HELZ: variants seen among roughly 807,000 people sequenced by gnomAD.
HELZ encodes ATP-dependent RNA helicase with zinc finger domain.
HELZ carries 23 observed loss-of-function variants against 218.2 expected under a neutral mutation model. That is an observed-to-expected ratio of 0.11 (90% CI 0.08 to 0.15). HELZ has a LOEUF of 0.15. Ranked by LOEUF, HELZ falls within the 10% of genes least tolerant of loss-of-function variation. HELZ has a pLI of 1.00. For missense variants in HELZ, 1,813 were observed against 2,353.7 expected (o/e 0.77, Z 4.75); for synonymous variants, 814 against 829.4 (o/e 0.98, Z 0.32).
intron 7 of HELZ, among the ~76,000 whole-genome samples, chr17:67,197,399 C>T (rs2040058687): frequency 6.6e-6 from 1 of 152,202 alleles, no homozygotes; most frequent in Non-Finnish European, 1.5e-5. Context: ...TGAAAACAGA[C>T]TAATATACTT....
intron 24 of HELZ, among the ~76,000 whole-genome samples, chr17:67,127,701 G>T (rs1181483815): frequency 2.0e-5 from 3 of 152,026 alleles, no homozygotes; most frequent in Non-Finnish European, 4.4e-5. Flanking sequence ...ACAAAAGTTA[G>T]CCAGGCGTGG....
intron 8 of HELZ, 23 bp from the exon 9 acceptor site, chr17:67,194,065 T>A: frequency 1.9e-6 from 3 of 1,544,594 alleles, no homozygotes; most frequent in Non-Finnish European, 2.7e-6. Context: ...TAGGATATAG[T>A]CTTATCATTT....
intron 31 of HELZ, among the ~76,000 whole-genome samples, chr17:67,101,408 A>T (rs2036926708): frequency 6.6e-6 from 1 of 152,172 alleles, no homozygotes; most frequent in South Asian, 2.1e-4. Context: ...GTAATAAGGG[A>T]GACTTTAAAC....
At chr17:67,151,349 C>A (rs2038676157) in intron 17 of HELZ, 125 bp from the exon 18 acceptor site, 1 of 730,670 alleles carries the variant, frequency 1.4e-6, no homozygotes, top group Non-Finnish European at 2.2e-6. Flanking sequence ...AATCTGGTAA[C>A]CGTTAGCACT....
intron 2 of HELZ, 21 bp downstream of exon 2, chr17:67,243,763 C>A (rs1354206315): frequency 6.5e-6 from 1 of 152,740 alleles, no homozygotes; most frequent in Non-Finnish European, 1.5e-5. Flanking sequence ...AAAAGGAAAT[C>A]ATTTTTAACT....
intron 3 of HELZ, among the ~76,000 whole-genome samples, chr17:67,234,268 A>G (rs2041118666): frequency 6.8e-6 from 1 of 147,044 alleles, no homozygotes; most frequent in South Asian, 2.2e-4. Context: ...GGTTACAAAG[A>G]GCCGAGATGG....
intron 22 of HELZ, 52 bp from the exon 23 acceptor site, chr17:67,136,250 T>C: frequency 8.5e-7 from 1 of 1,176,268 alleles, no homozygotes; most frequent in Middle Eastern, 2.0e-4. Context: ...TCTGAACCAC[T>C]GATATAATAA....
rs1198538325 is a variant in HELZ, at chr17:67,077,993, CAT to C, written c.*257_*258del. 1.1e-4 allele frequency: 25 copies of C among 220,964 alleles called. No homozygotes were observed. The highest frequency in any genetic ancestry group is 3.7e-4 in the South Asian group (4 of 10,914). The allele number at this position is 220,964 out of a possible 1,614,324, so 13.7% of individuals were successfully genotyped here. ...CTCTTGGCTGCTAGCTTGATGCAAA[CAT>C]ATGTAACAATACACAAATTTAAAAA... On this transcript the variant is annotated 3_prime_UTR_variant, in exon 33 of 33. Coordinates refer to ENST00000358691, the MANE Select transcript of HELZ (RefSeq NM_014877.4).
chr17:67,221,777 GTC>G (rs1226523088), intron 3 of HELZ, among the ~76,000 whole-genome samples: 1 of 151,510 alleles, frequency 6.6e-6, no homozygotes, highest in East Asian at 1.9e-4. Context: ...CTATTATAAT[GTC>G]TCTAAAATTC....
chr17:67,087,121 T>C, intron 31 of HELZ, 40 bp from the exon 32 acceptor site: 2 of 1,600,780 alleles, frequency 1.2e-6, no homozygotes, highest in Non-Finnish European at 1.7e-6. Flanking sequence ...TCAGTGCACC[T>C]TGTGCCATAG....
chr17:67,083,442 C>A (rs959697675), intron 32 of HELZ, among the ~76,000 whole-genome samples: 1 of 152,036 alleles, frequency 6.6e-6, no homozygotes, highest in Non-Finnish European at 1.5e-5. Flanking sequence ...GAGTTCTAGA[C>A]CAGCCTGGCC....
At chr17:67,144,953 T>C (rs941643818) in intron 21 of HELZ, among the ~76,000 whole-genome samples, 1 of 152,208 alleles carries the variant, frequency 6.6e-6, no homozygotes, top group African/African-American at 2.4e-5. Context: ...GATTTTTTTG[T>C]ACTGACTTCT....
At chr17:67,125,276 T>C (rs1320232166) in intron 24 of HELZ, among the ~76,000 whole-genome samples, 2 of 104,082 alleles carry the variant, frequency 1.9e-5, no homozygotes, top group African/African-American at 7.9e-5. Flanking sequence ...TTCACAGTGA[T>C]TGGCACCAAC....
At chr17:67,191,569 A>G (rs1377158537) in intron 9 of HELZ, among the ~76,000 whole-genome samples, 1 of 151,910 alleles carries the variant, frequency 6.6e-6, no homozygotes, top group Non-Finnish European at 1.5e-5. Context: ...CTCCTGCCTC[A>G]GCCTTCAGAG....
intron 29 of HELZ, 112 bp downstream of exon 29, chr17:67,109,004 T>A (rs903428359): frequency 2.2e-6 from 2 of 904,888 alleles, no homozygotes; most frequent in Admixed American, 5.4e-5. Flanking sequence ...TGGGGGGGTT[T>A]TGCTAGCATT....
chr17:67,233,042 G>A (rs541881618), intron 3 of HELZ, among the ~76,000 whole-genome samples: 48 of 152,364 alleles, frequency 3.2e-4, no homozygotes, highest in African/African-American at 1.1e-3. Flanking sequence ...GCTGAGGCAG[G>A]AGAATTGCTC....
At chr17:67,182,046 T>C (rs1378586989) in intron 12 of HELZ, among the ~76,000 whole-genome samples, 2 of 152,166 alleles carry the variant, frequency 1.3e-5, no homozygotes, top group Admixed American at 1.3e-4. Flanking sequence ...CTACAGCACA[T>C]GCGTACCTGC....
chr17:67,190,557 A>G (rs2039865376), intron 9 of HELZ, among the ~76,000 whole-genome samples: 2 of 152,222 alleles, frequency 1.3e-5, no homozygotes, highest in Non-Finnish European at 2.9e-5. Context: ...TCAGCTCCCC[A>G]TATTATTCAC....
At chr17:67,244,135 A>G (rs1432998398) in intron 1 of HELZ, 2 of 343,204 alleles carry the variant, frequency 5.8e-6, no homozygotes, top group Non-Finnish European at 8.1e-6. Flanking sequence ...AAGGAGAGGA[A>G]ATTTCATTAA....
Sources: gnomAD v4.1 joint callset for allele counts (sites outside exome capture counted in the v4.1 genomes callset) on GRCh38, gnomAD v4.1.1 for gene constraint, MANE v1.5 for transcripts, NCBI Gene and HGNC (gene_info 2026-07-23, HGNC 2026-07-21) for gene names.